NOL4: variants seen among roughly 807,000 people sequenced by gnomAD.
NOL4 encodes nucleolar protein 4.
A neutral mutation model predicts 75.9 loss-of-function variants in NOL4; 17 were observed. That is an observed-to-expected ratio of 0.22 (90% CI 0.15 to 0.34). NOL4 has a LOEUF of 0.34. NOL4 is among the 10% of genes least tolerant of loss of function. The pLI is 1.00. For missense variants in NOL4, 614 were observed against 793.5 expected (o/e 0.77, Z 2.72); for synonymous variants, 292 against 289.9 (o/e 1.01, Z -0.07).
chr18:33,910,695 G>A (rs1164486100), intron 9 of NOL4, among the ~76,000 whole-genome samples: 3 of 152,046 alleles, frequency 2.0e-5, no homozygotes, highest in Non-Finnish European at 4.4e-5. Flanking sequence ...TCACTATTGA[G>A]CCAACTGGTG....
chr18:33,888,753 C>A (rs1001031365), intron 9 of NOL4, among the ~76,000 whole-genome samples: 4 of 151,896 alleles, frequency 2.6e-5, no homozygotes, highest in Non-Finnish European at 4.4e-5. Context: ...ATTTCTGAGG[C>A]CTCTGCTCTG....
intron 10 of NOL4, among the ~76,000 whole-genome samples, chr18:33,875,507 G>C (rs1053678304): frequency 4.0e-5 from 6 of 151,858 alleles, no homozygotes; most frequent in African/African-American, 1.4e-4. Context: ...GTCTCCAATC[G>C]GGCAAGATTT....
intron 5 of NOL4, among the ~76,000 whole-genome samples, chr18:34,037,235 G>C (rs2075948904): frequency 6.6e-6 from 1 of 151,876 alleles, no homozygotes; most frequent in East Asian, 1.9e-4. Flanking sequence ...TCTCTACAAG[G>C]AAAACTGCAA....
chr18:33,907,517 T>C (rs942236410), intron 9 of NOL4, among the ~76,000 whole-genome samples: 1 of 152,152 alleles, frequency 6.6e-6, no homozygotes, highest in African/African-American at 2.4e-5. Flanking sequence ...GTCTATTATC[T>C]ATAAAAATAT....
chr18:34,110,670 G>A (rs984783572), intron 2 of NOL4, among the ~76,000 whole-genome samples: 3 of 152,048 alleles, frequency 2.0e-5, no homozygotes, highest in African/African-American at 7.2e-5. Context: ...TATGGTACTA[G>A]AAGTCCTAGT....
rs145004343 is a variant in NOL4, at chr18:33,945,431, A to G, written c.1429-2253T>C. Among the ~76,000 whole-genome samples, 382 of 151,904 alleles carry G rather than the reference A, an allele frequency of 2.5e-3. 5 individuals are homozygous for G. The highest frequency in any genetic ancestry group is 7.9e-3 in the African/African-American group (327 of 41,518). On this transcript the variant is annotated intron_variant, in intron 8 of 10. Transcript: ENST00000261592. Reference sequence around the variant, plus strand: ...CCTTCAATTAATATTATTTCATGGCATTTTCTTTCAAATTCTTATTAATTT... The same window carrying G: ...CCTTCAATTAATATTATTTCATGGCGTTTTCTTTCAAATTCTTATTAATTT...
At chr18:34,090,807 G>A (rs1166443202) in intron 5 of NOL4, among the ~76,000 whole-genome samples, 1 of 152,100 alleles carries the variant, frequency 6.6e-6, no homozygotes, top group Non-Finnish European at 1.5e-5. Flanking sequence ...TACTTGAGAT[G>A]AGCCAAAAAG....
chr18:34,219,806 G>C (rs964052132), intron 1 of NOL4, among the ~76,000 whole-genome samples: 1 of 152,370 alleles, frequency 6.6e-6, no homozygotes, highest in East Asian at 1.9e-4. Flanking sequence ...GTGCGCGTGA[G>C]TGTGCAGTGC....
At chr18:33,888,467 G>T (rs1217821481) in intron 9 of NOL4, among the ~76,000 whole-genome samples, 1 of 152,028 alleles carries the variant, frequency 6.6e-6, no homozygotes. Flanking sequence ...CATTGCTTTT[G>T]GTATTTTAGA....
intron 1 of NOL4, among the ~76,000 whole-genome samples, chr18:34,133,625 G>C (rs1187086679): frequency 6.6e-6 from 1 of 152,138 alleles, no homozygotes; most frequent in East Asian, 1.9e-4. Context: ...GACAATAACA[G>C]AGAAAAGGGG....
chr18:34,219,915 A>G (rs72961236), intron 1 of NOL4, among the ~76,000 whole-genome samples: 15,744 of 152,256 alleles, frequency 0.1, 1,008 homozygotes, highest in Non-Finnish European at 0.15. Flanking sequence ...CTCCATCAAA[A>G]AGCAGTCTAA....
At chr18:33,980,698 A>G (rs1349247823) in intron 6 of NOL4, among the ~76,000 whole-genome samples, 1 of 152,042 alleles carries the variant, frequency 6.6e-6, no homozygotes, top group Admixed American at 6.6e-5. Context: ...GGGCTATAGG[A>G]TGCTTCCCCT....
chr18:34,178,123 T>C (rs2033712137), intron 1 of NOL4, among the ~76,000 whole-genome samples: 1 of 151,752 alleles, frequency 6.6e-6, no homozygotes, highest in Admixed American at 6.6e-5. Context: ...TGAGACTATT[T>C]AGGAGCACAA....
chr18:34,074,517 C>A (rs12458312), intron 5 of NOL4, among the ~76,000 whole-genome samples: 2 of 151,434 alleles, frequency 1.3e-5, no homozygotes, highest in African/African-American at 4.8e-5. Flanking sequence ...TTATAGTATC[C>A]ATTTTTTATG....
intron 9 of NOL4, among the ~76,000 whole-genome samples, chr18:33,912,752 T>C (rs951912631): frequency 7.9e-5 from 12 of 152,078 alleles, no homozygotes; most frequent in African/African-American, 2.9e-4. Flanking sequence ...TAATATACTT[T>C]TATTCATGTG....
intron 1 of NOL4, among the ~76,000 whole-genome samples, chr18:34,149,122 A>G (rs894040840): frequency 6.6e-6 from 1 of 151,646 alleles, no homozygotes; most frequent in Non-Finnish European, 1.5e-5. Context: ...AGGCATAATC[A>G]TTGTGTGATA....
intron 6 of NOL4, among the ~76,000 whole-genome samples, chr18:33,987,201 G>T (rs577505782): frequency 4.6e-5 from 7 of 152,026 alleles, no homozygotes; most frequent in Non-Finnish European, 7.4e-5. Context: ...TACCATAAAA[G>T]CTAGACTGAA....
intron 10 of NOL4, among the ~76,000 whole-genome samples, chr18:33,879,113 A>C (rs2064105342): frequency 6.6e-6 from 1 of 152,122 alleles, no homozygotes; most frequent in South Asian, 2.1e-4. Flanking sequence ...TAATTTGAAG[A>C]ATTTAAAAAA....
chr18:34,171,498 G>A (rs947848323), intron 1 of NOL4, among the ~76,000 whole-genome samples: 22 of 152,056 alleles, frequency 1.4e-4, no homozygotes, highest in African/African-American at 4.8e-4. Context: ...AGTAGCAATC[G>A]AAGATATTGT....
Sources: allele counts gnomAD v4.1 joint callset (sites outside exome capture counted in the v4.1 genomes callset), GRCh38; gene constraint gnomAD v4.1.1; transcripts MANE v1.5; gene names NCBI Gene and HGNC (gene_info 2026-07-23, HGNC 2026-07-21).